Variants in ZEB1 observed in about 807,000 individuals in gnomAD.
ZEB1 encodes zinc finger E-box binding homeobox 1, also known as zinc finger E-box-binding homeobox 1.
Under a neutral mutation model 84.9 loss-of-function variants are expected in ZEB1, and 21 were observed. The observed-to-expected ratio is 0.25, with a 90% CI of 0.18 to 0.36. The LOEUF (loss-of-function observed/expected upper bound fraction) is 0.36, where lower values mean the gene tolerates loss of function less well. ZEB1 is among the 10% of genes least tolerant of loss of function. The pLI is 1.00. For synonymous variants in ZEB1, 420 were observed against 471.1 expected, an observed-to-expected ratio of 0.89 and a Z score of 1.41; for missense variants, 1,104 against 1,330.2, an observed-to-expected ratio of 0.83 and a Z score of 2.65.
intron 1 of ZEB1, chr10:31,375,018 G>T (rs963655962): frequency 7.1e-6 from 1 of 141,582 alleles, no homozygotes; most frequent in Admixed American, 7.3e-5. Flanking sequence ...TCTTTTTAAA[G>T]AAGGGAATGT....
chr10:31,482,519 A>G (rs866928783), intron 2 of ZEB1, among the ~76,000 whole-genome samples: 1 of 151,946 alleles, frequency 6.6e-6, no homozygotes, highest in Non-Finnish European at 1.5e-5. Flanking sequence ...AAAAGGGCAA[A>G]TAAGGTCCCT....
At chr10:31,327,389 G>A (rs987964682) in intron 1 of ZEB1, among the ~76,000 whole-genome samples, 2 of 152,128 alleles carry the variant, frequency 1.3e-5, no homozygotes, top group Non-Finnish European at 2.9e-5. Flanking sequence ...GGGATTACAG[G>A]TGTGAGCCAC....
chr10:31,368,534 T>G (rs1404334358), intron 1 of ZEB1, among the ~76,000 whole-genome samples: 1 of 152,184 alleles, frequency 6.6e-6, no homozygotes, highest in Non-Finnish European at 1.5e-5. Context: ...AAATAGCTAT[T>G]ATATTGATTT....
At chr10:31,385,982 G>A (rs918534859) in intron 1 of ZEB1, among the ~76,000 whole-genome samples, 61 of 152,152 alleles carry the variant, frequency 4.0e-4, no homozygotes, top group African/African-American at 1.5e-3. Flanking sequence ...ATGTACATAC[G>A]AAAATACATA....
At chr10:31,386,097 T>A (rs946274415) in intron 1 of ZEB1, among the ~76,000 whole-genome samples, 2 of 152,060 alleles carry the variant, frequency 1.3e-5, no homozygotes, top group East Asian at 3.8e-4. Context: ...TTTATTTATA[T>A]CGATCTACTC....
intron 1 of ZEB1, among the ~76,000 whole-genome samples, chr10:31,453,577 C>T (rs1201241912): frequency 6.6e-6 from 1 of 152,074 alleles, no homozygotes; most frequent in Non-Finnish European, 1.5e-5. Flanking sequence ...TACAGTGCTG[C>T]ATGCAATCAT....
intron 1 of ZEB1, among the ~76,000 whole-genome samples, chr10:31,434,229 C>T (rs540341712): frequency 1.4e-4 from 22 of 152,250 alleles, no homozygotes; most frequent in Non-Finnish European, 2.6e-4. Flanking sequence ...AGCATCTGTG[C>T]CCCCACTATA....
chr10:31,396,967 A>G (rs2050842579), intron 1 of ZEB1, among the ~76,000 whole-genome samples: 1 of 151,590 alleles, frequency 6.6e-6, no homozygotes, highest in Admixed American at 6.6e-5. Context: ...AGAAGTTAAT[A>G]AAATAGCTCG....
At chr10:31,460,573 C>T (rs890916888) in intron 1 of ZEB1, among the ~76,000 whole-genome samples, 3 of 151,970 alleles carry the variant, frequency 2.0e-5, no homozygotes, top group African/African-American at 7.2e-5. Flanking sequence ...GGCTCGTTAT[C>T]ATTGGAGGGG....
intron 1 of ZEB1, among the ~76,000 whole-genome samples, chr10:31,361,702 C>T (rs1272965851): frequency 6.6e-6 from 1 of 151,958 alleles, no homozygotes; most frequent in African/African-American, 2.4e-5. Context: ...AGGGGCGCTC[C>T]TCACTTCCCA....
In ZEB1 at chr10:31,332,499, G is replaced by C. The variant is rs369121673; in HGVS notation, c.58+13207G>C. On this transcript the variant is annotated intron_variant, in intron 1 of 8. Coordinates refer to ENST00000424869, the MANE Select transcript of ZEB1 (RefSeq NM_001174096.2). ...TGGCATTTATTAATGGTTCTGCATA[G>C]AGCTCCACCTTGTGAACATGTTATT... Among the ~76,000 whole-genome samples, 143 of 152,224 alleles carry C rather than the reference G, an allele frequency of 9.4e-4. 2 individuals carry two copies. The highest frequency in any genetic ancestry group is 3.4e-3 in the African/African-American group (140 of 41,542).
chr10:31,323,364 A>G (rs953078609), intron 1 of ZEB1, among the ~76,000 whole-genome samples: 1 of 138,570 alleles, frequency 7.2e-6, no homozygotes, highest in Non-Finnish European at 1.5e-5. Context: ...ATTGATTGAT[A>G]ATACTGTGTA....
At position 31,485,327 on chromosome 10, in the gene ZEB1, G is replaced by A. The variant is rs146080589; in HGVS notation, c.260-10449G>A. 3.6e-3 allele frequency among the ~76,000 whole-genome samples: 548 copies of A among 151,872 alleles called. 1 individual carries two copies. The highest frequency in any genetic ancestry group is 0.011 in the South Asian group (51 of 4,822). Reference sequence around the variant, plus strand: ...AATCCTGTGATGTAATGCTCTAGTCGTATACATGTGGAAACTAAGGACTAA... The same window carrying A: ...AATCCTGTGATGTAATGCTCTAGTCATATACATGTGGAAACTAAGGACTAA... On this transcript the variant is annotated intron_variant, in intron 2 of 8. Coordinates refer to ENST00000424869, the MANE Select transcript of ZEB1 (RefSeq NM_001174096.2).
chr10:31,328,537 C>T (rs2036082901), intron 1 of ZEB1, among the ~76,000 whole-genome samples: 3 of 152,062 alleles, frequency 2.0e-5, no homozygotes, highest in South Asian at 4.1e-4. Flanking sequence ...TAACTACCAT[C>T]TGAAAGGGGG....
chr10:31,520,459 T>A lies in ZEB1; in HGVS notation c.1127T>A (p.Phe376Tyr), dbSNP rs1592083875. Reference protein sequence around the residue: ...NCSTPLQNGVFTGGGPLQATS... With the variant: ...NCSTPLQNGVYTGGGPLQATS... ...TCAACCCCTTTACAAAATGGGGTTT[T>A]CACTGGTGGTGGCCCATTACAGGCA... Residue 376 changes from phenylalanine (F) to tyrosine (Y), a missense_variant, in exon 7 of 9, where the codon TTC becomes TAC. Phe to Tyr is a conservative substitution (Grantham distance 22, BLOSUM62 3). Coordinates refer to ENST00000424869, the MANE Select transcript of ZEB1 (RefSeq NM_001174096.2). This position sits in a 1 kb window ranked among gnomAD's most constrained non-coding sequence, Gnocchi z 5.1. The A allele has an allele frequency of 1.1e-5, 17 of 1,614,074 alleles. No homozygotes were observed. The highest frequency in any genetic ancestry group is 1.4e-5 in the Non-Finnish European group (17 of 1,179,946).
intron 1 of ZEB1, among the ~76,000 whole-genome samples, chr10:31,459,976 T>C (rs1267456552): frequency 1.3e-5 from 2 of 151,790 alleles, no homozygotes; most frequent in African/African-American, 4.8e-5. Flanking sequence ...GAATAACTGA[T>C]AGTAATTACT....
intron 2 of ZEB1, among the ~76,000 whole-genome samples, chr10:31,464,677 G>T (rs989052232): frequency 6.6e-6 from 1 of 152,166 alleles, no homozygotes; most frequent in African/African-American, 2.4e-5. Flanking sequence ...AAGACTGTAG[G>T]CAGATTTCTG....
chr10:31,452,640 G>T (rs993305672), intron 1 of ZEB1, among the ~76,000 whole-genome samples: 5 of 149,908 alleles, frequency 3.3e-5, no homozygotes, highest in African/African-American at 1.2e-4. Flanking sequence ...ATTCAGTTCA[G>T]CAAATAATTC....
Position 31,328,994 on chromosome 10 carries a change from GGT to G in ZEB1, c.58+9720_58+9721del, listed in dbSNP as rs369444605. Among the ~76,000 whole-genome samples, 913 of 149,400 alleles carry G rather than the reference GGT, an allele frequency of 6.1e-3. 14 individuals carry two copies. The highest frequency in any genetic ancestry group is 0.021 in the African/African-American group (851 of 40,908). On this transcript the variant is annotated intron_variant, in intron 1 of 8. Transcript: ENST00000424869. ...AAGCCAAAAGTTAAAACCATACCCTGGTGTGTGTGTGTGTGTGTGCGTGTGAA... is the reference window on the plus strand; with the variant it reads ...AAGCCAAAAGTTAAAACCATACCCTGGTGTGTGTGTGTGTGTGCGTGTGAA...
Sources: allele counts gnomAD v4.1 joint callset (sites outside exome capture counted in the v4.1 genomes callset), GRCh38; gene constraint gnomAD v4.1.1; non-coding constraint Gnocchi (gnomAD v3.1); transcripts MANE v1.5; gene names NCBI Gene and HGNC (gene_info 2026-07-23, HGNC 2026-07-21).